NAE1: variants seen among roughly 807,000 people sequenced by gnomAD.
NAE1 encodes the protein NEDD8 activating enzyme E1 subunit 1.
In NAE1, 59 loss-of-function variants were observed where a neutral mutation model predicts 88.0. The observed-to-expected ratio is 0.67, with a 90% CI of 0.54 to 0.83. NAE1 has a LOEUF of 0.83. Ranked by LOEUF, NAE1 falls within the 40% of genes least tolerant of loss-of-function variation. The pLI, the probability that NAE1 is intolerant of heterozygous loss-of-function variation, is 0.00. For synonymous variants in NAE1, 186 were observed against 208.9 expected (o/e 0.89, Z 0.95); for missense variants, 554 against 632.8 (o/e 0.88, Z 1.34).
rs1960350750 is a variant in NAE1, at chr16:66,823,577, T to C, written c.273A>G (p.Glu91=). 6 of 1,609,064 alleles carry C rather than the reference T, an allele frequency of 3.7e-6. No homozygotes were observed. The highest frequency in any genetic ancestry group is 5.1e-6 in the Non-Finnish European group (6 of 1,178,800). ...IGKNRAEAAM[E]FLQELNSDVS... ...CATCGCTATTTAATTCTTGTAAGAA[T>C]TCCATGGCAGCTTCAGCTCGGTTCT... Residue 91 remains glutamate (E), a synonymous_variant, in exon 5 of 20, where the codon GAA becomes GAG. Coordinates refer to ENST00000290810, the MANE Select transcript of NAE1 (RefSeq NM_003905.4).
At position 66,819,871 on chromosome 16, in the gene NAE1, C is replaced by A. The variant is rs956906109; in HGVS notation, c.512-1234G>T. On this transcript the variant is annotated intron_variant, in intron 7 of 19. Coordinates refer to ENST00000290810, the MANE Select transcript of NAE1 (RefSeq NM_003905.4). ...TCATTATTATCTACCCTCTCTTCTTCTCTTCCCTAAATTAGGAAAAAGAAC... is the reference window on the plus strand; with the variant it reads ...TCATTATTATCTACCCTCTCTTCTTATCTTCCCTAAATTAGGAAAAAGAAC... Among the ~76,000 whole-genome samples the A allele has an allele frequency of 2.0e-5, 3 of 152,334 alleles. No homozygotes were observed. In the East Asian group the frequency reaches 5.8e-4, roughly 29 times the overall value.
chr16:66,815,617 G>T (rs1017777114), intron 11 of NAE1, among the ~76,000 whole-genome samples: 1 of 151,326 alleles, frequency 6.6e-6, no homozygotes, highest in East Asian at 1.9e-4. Flanking sequence ...GCCTCCCAAA[G>T]TGTTGGGATT....
intron 4 of NAE1, among the ~76,000 whole-genome samples, chr16:66,824,059 A>G (rs892632310): frequency 6.6e-6 from 1 of 152,182 alleles, no homozygotes; most frequent in African/African-American, 2.4e-5. Context: ...CCTAGTGTTT[A>G]AGACTCAACA....
Position 66,818,511 on chromosome 16 carries a change from T to TCA in NAE1, c.621+15_621+16dup, listed in dbSNP as rs747880422. On this transcript the variant is annotated intron_variant, in intron 8 of 19. Transcript: ENST00000290810. ...TTTAAGTCTATCTGTAAATGTAAGG[T>TCA]CACACACACTACCAACCTTTTTTTC... 7 of 1,590,938 alleles carry TCA rather than the reference T, an allele frequency of 4.4e-6. No homozygotes were observed. Among genetic ancestry groups the TCA allele is most frequent in the East Asian group, 2.2e-5 (1 of 44,620 alleles).
At position 66,803,624 on chromosome 16, in the gene NAE1, T is replaced by C. The variant is rs1021436009; in HGVS notation, c.1496-506A>G. Among the ~76,000 whole-genome samples, 3 of 151,674 alleles carry C rather than the reference T, an allele frequency of 2.0e-5. No individual in the cohort carries two copies. In the South Asian group the frequency reaches 6.3e-4, roughly 32 times the overall value. On this transcript the variant is annotated intron_variant, in intron 19 of 19. Coordinates refer to ENST00000290810, the MANE Select transcript of NAE1 (RefSeq NM_003905.4). ...TTTTTTTTTTAGACTAGAGTCTCACTCTGTCACCCAGGCTGGAGTGCAGTG... is the reference window on the plus strand; with the variant it reads ...TTTTTTTTTTAGACTAGAGTCTCACCCTGTCACCCAGGCTGGAGTGCAGTG...
intron 7 of NAE1, among the ~76,000 whole-genome samples, chr16:66,820,735 A>G (rs1365603637): frequency 6.6e-6 from 1 of 152,092 alleles, no homozygotes; most frequent in Non-Finnish European, 1.5e-5. Context: ...CCCCATCTCT[A>G]CTAAAAATAC....
chr16:66,809,929 C>G (rs1324399163), intron 15 of NAE1, among the ~76,000 whole-genome samples: 1 of 152,104 alleles, frequency 6.6e-6, no homozygotes, highest in Non-Finnish European at 1.5e-5. Context: ...CTCCTACGAA[C>G]CTAACCACTC....
At chr16:66,817,508 A>G (rs539092569) in intron 8 of NAE1, 21 bp from the exon 9 acceptor site, 7 of 1,491,834 alleles carry the variant, frequency 4.7e-6, no homozygotes, top group South Asian at 2.5e-5. Flanking sequence ...GAGACAAATA[A>G]AAGAAAATAT....
Position 66,821,435 on chromosome 16 carries a change from G to C in NAE1, c.511+15C>G. The stretch of plus-strand genomic sequence containing the variant: ...AAAGCAACCAATAGTAAGCCCATAT[G>C]CTCAACAATTTTACCTGGATGTTCT... On this transcript the variant is annotated intron_variant, in intron 7 of 19. Transcript: ENST00000290810. 7 of 1,544,718 alleles carry C rather than the reference G, an allele frequency of 4.5e-6. No individual in the cohort carries two copies. Among genetic ancestry groups the C allele is most frequent in the Non-Finnish European group, 6.1e-6 (7 of 1,149,302 alleles).
rs374941209 is a variant in NAE1 at position 66,816,684 on chromosome 16, G to A, written c.749-12C>T. 6 of 1,581,050 alleles carry A rather than the reference G, an allele frequency of 3.8e-6. No homozygotes were observed. In the South Asian group the frequency reaches 6.7e-5, roughly 18 times the overall value. Reference sequence around the variant, plus strand: ...ATTTTTTAGAATTCCTATTGTAATGGGAAATTGTTAGCAAACAGCCCTTTT... The same window carrying A: ...ATTTTTTAGAATTCCTATTGTAATGAGAAATTGTTAGCAAACAGCCCTTTT... On this transcript the variant is annotated splice_polypyrimidine_tract_variant and intron_variant, in intron 10 of 19. Transcript: ENST00000290810.
intron 3 of NAE1, 33 bp downstream of exon 3, chr16:66,826,490 A>AAC: frequency 6.2e-7 from 1 of 1,608,320 alleles, no homozygotes; most frequent in Non-Finnish European, 8.5e-7. Flanking sequence ...TGCCTTCCTT[A>AAC]ACGTGAATAT....
Position 66,805,661 on chromosome 16 carries a change from A to G in NAE1, c.1495+116T>C, listed in dbSNP as rs1959535427. ...TCAAAAAAAAAAAAAAGAAAGAAAT[A>G]TAACATCCTGCTTCACTGACCTCCC... On this transcript the variant is annotated intron_variant, in intron 19 of 19. Transcript: ENST00000290810. 17 of 867,418 alleles carry G rather than the reference A, an allele frequency of 2.0e-5. No individual in the cohort carries two copies. In the South Asian group the frequency reaches 4.7e-4, roughly 24 times the overall value. The allele number at this position is 867,418 out of a possible 1,614,324, so 53.7% of individuals were successfully genotyped here.
intron 13 of NAE1, 46 bp from the exon 14 acceptor site, chr16:66,810,818 A>C: frequency 6.4e-7 from 1 of 1,558,202 alleles, no homozygotes; most frequent in Non-Finnish European, 8.8e-7. Context: ...TTAAATTAGC[A>C]AAATTTAAAT....
At chr16:66,818,336 A>G (rs1960129797) in intron 8 of NAE1, among the ~76,000 whole-genome samples, 192 bp downstream of exon 8, 1 of 152,168 alleles carries the variant, frequency 6.6e-6, no homozygotes, top group African/African-American at 2.4e-5. Context: ...ACTTTTCTTC[A>G]GTAAAAAAGT....
chr16:66,812,513 CTTTTTTTTT>C (rs961953416), intron 13 of NAE1, among the ~76,000 whole-genome samples: 1 of 103,678 alleles, frequency 9.6e-6, no homozygotes, highest in Non-Finnish European at 1.9e-5. Context: ...CCCCTAAGTT[CTTTTTTTTT>C]TTTTTTTTTT....
chr16:66,822,428 G>A (rs1215673702), intron 6 of NAE1, among the ~76,000 whole-genome samples: 4 of 151,762 alleles, frequency 2.6e-5, no homozygotes, highest in African/African-American at 4.8e-5. Flanking sequence ...AAAATTAGCC[G>A]GGCACGGTGG....
At position 66,823,234 on chromosome 16, in the gene NAE1, G is replaced by C. The variant is rs1960337808; in HGVS notation, c.394C>G (p.Pro132Ala). ...RFTVVVATQL[P>A]ESTSLRLADV... is the part of the protein sequence containing the mutation. ...ATTAACATAAAAATTTACCTTTCAGGAAGCTGAGTTGCAACTACAACAGTA... is the reference window on the plus strand; with the variant it reads ...ATTAACATAAAAATTTACCTTTCAGCAAGCTGAGTTGCAACTACAACAGTA... The change falls in exon 6 of 20, where the codon CCT (proline) becomes GCT (alanine). Residue 132 changes from proline (P) to alanine (A), a missense_variant. By Grantham distance (27) the Pro-to-Ala change is conservative. Coordinates refer to ENST00000290810, the MANE Select transcript of NAE1 (RefSeq NM_003905.4). The C allele has an allele frequency of 6.4e-7, 1 of 1,574,476 alleles. No homozygotes were observed. Among genetic ancestry groups the C allele is most frequent in the Non-Finnish European group, 8.6e-7 (1 of 1,161,998 alleles).
chr16:66,821,562 G>A lies in NAE1; in HGVS notation c.402-3C>T, dbSNP rs1471461887. 5.2e-6 allele frequency: 8 copies of A among 1,544,028 alleles called. No homozygotes were observed. Among genetic ancestry groups the A allele is most frequent in the South Asian group, 1.2e-5 (1 of 81,156 alleles). ...CATCTGCTAAGCGTAGTGAAGTGCTGTTTAAAAAAAAAAAGCAAAATATGA... is the reference window on the plus strand; with the variant it reads ...CATCTGCTAAGCGTAGTGAAGTGCTATTTAAAAAAAAAAAGCAAAATATGA... On this transcript the variant is annotated splice_polypyrimidine_tract_variant and splice_region_variant and intron_variant, in intron 6 of 19. Coordinates refer to ENST00000290810, the MANE Select transcript of NAE1 (RefSeq NM_003905.4).
intron 15 of NAE1, 107 bp from the exon 16 acceptor site, chr16:66,809,182 T>A (rs1301188386): frequency 7.3e-6 from 5 of 689,186 alleles, no homozygotes; most frequent in Non-Finnish European, 1.2e-5. Flanking sequence ...TTCTCAGACA[T>A]GAGAATGTGA....
Sources: allele counts gnomAD v4.1 joint callset (sites outside exome capture counted in the v4.1 genomes callset), GRCh38; gene constraint gnomAD v4.1.1; transcripts MANE v1.5; gene names NCBI Gene and HGNC (gene_info 2026-07-23, HGNC 2026-07-21).